DOCK7: variants seen among roughly 807,000 people sequenced by gnomAD.
The protein encoded by DOCK7 is dedicator of cytokinesis protein 7.
In DOCK7, 138 loss-of-function variants were observed where a neutral mutation model predicts 271.0. The observed-to-expected ratio is 0.51, with a 90% confidence interval of 0.44 to 0.59. The LOEUF (loss-of-function observed/expected upper bound fraction) is 0.59, where lower values mean the gene tolerates loss of function less well. Ranked by LOEUF, DOCK7 falls within the 20% of genes least tolerant of loss-of-function variation. DOCK7 has a pLI of 0.00. For synonymous variants in DOCK7, 823 were observed against 876.1 expected (o/e 0.94, Z 1.07); for missense variants, 2,066 against 2,592.4 (o/e 0.80, Z 4.41).
chr1:62,623,447 T>G (rs555443435), intron 12 of DOCK7, among the ~76,000 whole-genome samples: 1 of 152,342 alleles, frequency 6.6e-6, no homozygotes, highest in Admixed American at 6.5e-5. Context: ...ATAGTAACAG[T>G]ATTCAAAACA....
intron 14 of DOCK7, among the ~76,000 whole-genome samples, chr1:62,595,157 G>A (rs1022735938): frequency 7.9e-5 from 12 of 152,026 alleles, no homozygotes; most frequent in East Asian, 7.7e-4. Flanking sequence ...AAAAAGGTAC[G>A]AGACCAAAAT....
At position 62,625,327 on chromosome 1, in the gene DOCK7, C is replaced by A; in HGVS notation, c.1357G>T (p.Gly453Ter). The A allele has an allele frequency of 6.2e-7, 1 of 1,613,812 alleles. No homozygotes were observed. The highest frequency in any genetic ancestry group is 8.5e-7 in the Non-Finnish European group (1 of 1,179,834). Reference sequence around the variant, plus strand: ...CTCGTCAAGTTACAAGCATCATCTCCACTTGTTGTCCTTTCAAGTGATCGT... The same window carrying A: ...CTCGTCAAGTTACAAGCATCATCTCAACTTGTTGTCCTTTCAAGTGATCGT... ...GRRSLERTTS[G>*]DDACNLTSFR... The change falls in exon 12 of 50, where the codon GGA becomes TGA. Residue 453 changes from glycine (G) to a stop codon, truncating the protein, a stop_gained. Coordinates refer to ENST00000635253, the MANE Select transcript of DOCK7 (RefSeq NM_001367561.1). LOFTEE classifies it high-confidence loss of function.
chr1:62,576,674 G>GTTTC (rs926778034), intron 18 of DOCK7, among the ~76,000 whole-genome samples: 1 of 152,152 alleles, frequency 6.6e-6, no homozygotes, highest in Admixed American at 6.5e-5. Context: ...CAACCATTGT[G>GTTTC]TTTCTCTCAA....
At chr1:62,485,127 C>A (rs1646255499) in intron 43 of DOCK7, 14 of 982,152 alleles carry the variant, frequency 1.4e-5, no homozygotes, top group Non-Finnish European at 1.7e-5. Flanking sequence ...CAGAGTGAGA[C>A]CCCATCTCAT....
At chr1:62,605,820 G>A (rs958810184) in intron 14 of DOCK7, 12 of 151,830 alleles carry the variant, frequency 7.9e-5, no homozygotes, top group South Asian at 6.2e-4. Context: ...CATGTTTATC[G>A]ACATCACAAC....
At chr1:62,494,523 G>A (rs781135373) in intron 39 of DOCK7, 56 bp from the exon 40 acceptor site, 3 of 1,501,182 alleles carry the variant, frequency 2.0e-6, no homozygotes, top group Non-Finnish European at 2.7e-6. Flanking sequence ...CTGGGAGGGA[G>A]TTTAGATAGC....
intron 1 of DOCK7, among the ~76,000 whole-genome samples, chr1:62,683,659 G>C (rs1661410024): frequency 6.6e-6 from 1 of 152,160 alleles, no homozygotes; most frequent in Non-Finnish European, 1.5e-5. Context: ...AAAAGAGTAG[G>C]CCAGGTAGCT....
At chr1:62,604,267 C>A in intron 14 of DOCK7, 2 of 1,608,520 alleles carry the variant, frequency 1.2e-6, no homozygotes, top group Non-Finnish European at 1.7e-6. Flanking sequence ...ACTTTATTTT[C>A]ATATCTTCAA....
rs544026515 is a variant in DOCK7, at chr1:62,584,610, T to C, written c.1801-1356A>G. 3.3e-5 allele frequency: 42 copies of C among 1,278,998 alleles called. No individual in the cohort carries two copies. In the African/African-American group the frequency reaches 6.0e-4, roughly 18 times the overall value. 79.2% of individuals were successfully genotyped at this position (1,278,998 alleles called of 1,614,324 possible). On this transcript the variant is annotated intron_variant, in intron 15 of 49. Transcript: ENST00000635253. ...TAATATGACATAAAGCAGACAGTGT[T>C]CCTTTTTTGACCATTTGACATGTAC...
chr1:62,634,100 C>T (rs1451876394), intron 9 of DOCK7, among the ~76,000 whole-genome samples: 1 of 151,832 alleles, frequency 6.6e-6, no homozygotes, highest in East Asian at 1.9e-4. Context: ...AATCTATATA[C>T]TAGCAATGAG....
chr1:62,540,066 A>G (rs1018760973), intron 25 of DOCK7, among the ~76,000 whole-genome samples, 174 bp from the exon 26 acceptor site: 2 of 152,172 alleles, frequency 1.3e-5, no homozygotes, highest in Non-Finnish European at 2.9e-5. Flanking sequence ...TTTGCTTAAA[A>G]TAAAATAAAA....
intron 1 of DOCK7, among the ~76,000 whole-genome samples, chr1:62,681,703 T>A (rs906474413): frequency 6.6e-6 from 1 of 151,938 alleles, no homozygotes; most frequent in Non-Finnish European, 1.5e-5. Flanking sequence ...CTGGAAACAA[T>A]CCAAATGTTC....
rs59023194 is a variant in DOCK7 at position 62,591,212 on chromosome 1, G to T, written c.1683-4588C>A. Among the ~76,000 whole-genome samples, 992 of 152,278 alleles carry T rather than the reference G, an allele frequency of 6.5e-3. 10 individuals carry two copies. Among genetic ancestry groups the T allele is most frequent in the African/African-American group, 0.022 (935 of 41,562 alleles). On this transcript the variant is annotated intron_variant, in intron 14 of 49. Transcript: ENST00000635253. ...CATGTCTTGCAAAAACATGGATGGA[G>T]CTGGGAACCACTATCCTTAGCAAAC...
At chr1:62,455,854 T>C (rs892484980) in intron 49 of DOCK7, among the ~76,000 whole-genome samples, 2 of 152,194 alleles carry the variant, frequency 1.3e-5, no homozygotes, top group African/African-American at 2.4e-5. Flanking sequence ...TTTTACACTC[T>C]TAAAAATTAT....
In DOCK7 at chr1:62,586,673, CTA is replaced by C. The variant is rs34963039; in HGVS notation, c.1683-51_1683-50del. 270,039 of 1,116,440 alleles carry C rather than the reference CTA, an allele frequency of 0.24. 34,278 individuals carry two copies. Among genetic ancestry groups the C allele is most frequent in the Non-Finnish European group, 0.26 (199,621 of 761,444 alleles). 69.2% of individuals were successfully genotyped at this position (1,116,440 alleles called of 1,614,324 possible). On this transcript the variant is annotated intron_variant, in intron 14 of 49. Coordinates refer to ENST00000635253, the MANE Select transcript of DOCK7 (RefSeq NM_001367561.1). The stretch of plus-strand genomic sequence containing the variant: ...ATAGTAAATACATATCTAAGAAACA[CTA>C]TGTATCACTCACAAAATACCACAAA...
chr1:62,493,739 C>T (rs1646533919), intron 40 of DOCK7, among the ~76,000 whole-genome samples: 3 of 152,098 alleles, frequency 2.0e-5, no homozygotes, highest in African/African-American at 7.2e-5. Context: ...TTTATAATAT[C>T]TCAAACCTAC....
intron 7 of DOCK7, chr1:62,641,199 G>T (rs1431094104): frequency 5.4e-6 from 2 of 369,090 alleles, no homozygotes; most frequent in Admixed American, 3.7e-5. Context: ...TGTTTCTATA[G>T]ACTCATGAGC....
At chr1:62,512,731 T>A (rs71643632) in intron 33 of DOCK7, among the ~76,000 whole-genome samples, 260 of 140,654 alleles carry the variant, frequency 1.8e-3, no homozygotes, top group South Asian at 3.9e-3. Flanking sequence ...AGACCATGTT[T>A]AAAAAAAAAA....
chr1:62,461,004 C>G (rs940359632), intron 48 of DOCK7: 46 of 152,198 alleles, frequency 3.0e-4, no homozygotes, highest in African/African-American at 1.1e-3. Context: ...TATAAAATCA[C>G]TAAGTTTTTA....
Sources: gnomAD v4.1 joint callset for allele counts (sites outside exome capture counted in the v4.1 genomes callset) on GRCh38, gnomAD v4.1.1 for gene constraint, MANE v1.5 for transcripts, NCBI Gene and HGNC (gene_info 2026-07-23, HGNC 2026-07-21) for gene names.